SLC9A8: variants seen among roughly 807,000 people sequenced by gnomAD.
SLC9A8 encodes the protein solute carrier family 9 member A8, also known as sodium/hydrogen exchanger 8.
SLC9A8 carries 48 observed loss-of-function variants against 66.6 expected under a neutral mutation model. That is an observed-to-expected ratio of 0.72 (90% CI 0.57 to 0.92). The LOEUF (loss-of-function observed/expected upper bound fraction) is 0.92. SLC9A8 is among the 40% of genes least tolerant of loss of function. SLC9A8 has a pLI of 0.00. For synonymous variants in SLC9A8, 274 were observed against 282.6 expected (o/e 0.97, Z 0.31); for missense variants, 599 against 747.3 (o/e 0.80, Z 2.31).
At chr20:49,849,529 A>T (rs1220166372) in intron 5 of SLC9A8, 50 bp from the exon 6 acceptor site, 47 of 1,454,186 alleles carry the variant, frequency 3.2e-5, no homozygotes, top group Non-Finnish European at 4.2e-5. Flanking sequence ...GCCTTCACTG[A>T]CAGGAATGGC....
At chr20:49,825,930 A>C (rs1221859667) in intron 3 of SLC9A8, among the ~76,000 whole-genome samples, 1 of 152,110 alleles carries the variant, frequency 6.6e-6, no homozygotes, top group Non-Finnish European at 1.5e-5. Context: ...CTGGCACCAA[A>C]AGTTGCAGGA....
intron 3 of SLC9A8, among the ~76,000 whole-genome samples, chr20:49,828,073 A>T (rs201569828): frequency 0.028 from 2,311 of 81,434 alleles, 27 homozygotes; most frequent in African/African-American, 0.033. Context: ...CCAAAAAAAA[A>T]TTTTTTTTTT....
At chr20:49,872,666 T>G (rs2089259514) in intron 10 of SLC9A8, among the ~76,000 whole-genome samples, 1 of 152,130 alleles carries the variant, frequency 6.6e-6, no homozygotes, top group Non-Finnish European at 1.5e-5. Flanking sequence ...TTTGTATTTT[T>G]AGTAGAGACG....
chr20:49,838,116 G>T (rs1389698178), intron 3 of SLC9A8, among the ~76,000 whole-genome samples: 2 of 152,126 alleles, frequency 1.3e-5, no homozygotes, highest in Non-Finnish European at 2.9e-5. Context: ...TATGTAAGAG[G>T]ATAGAGAAGG....
rs1439209984 is a variant in SLC9A8 at position 49,883,965 on chromosome 20, G to C, written c.1390G>C (p.Gly464Arg). ...VIVLFTILLL[G>R]GSTMPLIRLM... is the part of the protein sequence containing the mutation. ...CGTGCTCTTCACCATCCTGCTGCTGGGCGGCAGCACCATGCCCCTCATTCG... is the reference window on the plus strand; with the variant it reads ...CGTGCTCTTCACCATCCTGCTGCTGCGCGGCAGCACCATGCCCCTCATTCG... The change falls in exon 14 of 16, where the codon GGC (glycine) becomes CGC (arginine). Residue 464 changes from glycine (G) to arginine (R), a missense_variant. Physicochemically the swap from Gly to Arg is moderately radical, Grantham distance 125. Around this residue, in one of 2 missense-constraint regions of SLC9A8, gnomAD observed 467 missense variants for 626.5 expected, o/e 0.75. Transcript: ENST00000361573. 10 of 1,613,130 alleles carry C rather than the reference G, an allele frequency of 6.2e-6. No individual in the cohort carries two copies. The highest frequency in any genetic ancestry group is 8.5e-6 in the Non-Finnish European group (10 of 1,179,964).
At chr20:49,878,130 G>T (rs753405847) in intron 12 of SLC9A8, 67 bp downstream of exon 12, 7 of 970,858 alleles carry the variant, frequency 7.2e-6, no homozygotes, top group Non-Finnish European at 1.1e-5. Flanking sequence ...ACATGTTCCG[G>T]ATTCATTTAT....
At chr20:49,823,736 G>A (rs2086823506) in intron 3 of SLC9A8, among the ~76,000 whole-genome samples, 1 of 152,208 alleles carries the variant, frequency 6.6e-6, no homozygotes, top group South Asian at 2.1e-4. Flanking sequence ...GGTTAGTGAA[G>A]GAAGAAGTGG....
intron 10 of SLC9A8, among the ~76,000 whole-genome samples, chr20:49,867,550 C>T (rs147008977): frequency 6.6e-6 from 1 of 152,284 alleles, no homozygotes; most frequent in Non-Finnish European, 1.5e-5. Flanking sequence ...CAGTATCAGT[C>T]AAAGACTCAA....
At chr20:49,844,657 C>T (rs1017178236) in intron 4 of SLC9A8, among the ~76,000 whole-genome samples, 2 of 147,174 alleles carry the variant, frequency 1.4e-5, no homozygotes, top group African/African-American at 5.0e-5. Context: ...AAAATTAGCC[C>T]GGCATGGTAG....
chr20:49,816,949 C>G (rs1008808887), intron 2 of SLC9A8, among the ~76,000 whole-genome samples: 1 of 151,862 alleles, frequency 6.6e-6, no homozygotes, highest in Admixed American at 6.6e-5. Context: ...AGGATGGTCT[C>G]AATCTCCTGA....
chr20:49,850,636 T>C (rs1024199806), intron 6 of SLC9A8, 174 bp from the exon 7 acceptor site: 18 of 637,584 alleles, frequency 2.8e-5, no homozygotes, highest in Non-Finnish European at 4.7e-5. Flanking sequence ...TGCATGCCGA[T>C]GGAATGCATG....
At position 49,881,031 on chromosome 20, in the gene SLC9A8, T is replaced by C. The variant is rs2089608842; in HGVS notation, c.1266T>C (p.Phe422=). 6.2e-7 allele frequency: 1 copy of C among 1,604,414 alleles called. No individual in the cohort carries two copies. The highest frequency in any genetic ancestry group is 8.5e-7 in the Non-Finnish European group (1 of 1,171,158). Reference sequence around the variant, plus strand: ...CGAAGATGATGTTCATCATGTGGTTTAGTGGTAAGTCAAATCTTGGATAAA... The same window carrying C: ...CGAAGATGATGTTCATCATGTGGTTCAGTGGTAAGTCAAATCTTGGATAAA... ...ITPKMMFIMW[F]SGLRGAIPYA... The change falls in exon 13 of 16, where the codon TTT becomes TTC. Residue 422 remains phenylalanine (F), a synonymous_variant. Transcript: ENST00000361573.
chr20:49,862,644 C>T (rs932287968), intron 8 of SLC9A8, among the ~76,000 whole-genome samples: 1 of 152,188 alleles, frequency 6.6e-6, no homozygotes, highest in Admixed American at 6.5e-5. Flanking sequence ...CTACAGCCCT[C>T]TACCCCTCCC....
chr20:49,873,269 G>A (rs1047878507), intron 10 of SLC9A8, among the ~76,000 whole-genome samples: 6 of 152,012 alleles, frequency 3.9e-5, no homozygotes, highest in African/African-American at 1.2e-4. Flanking sequence ...GATTGCTTGA[G>A]CTCAGGGGTT....
intron 3 of SLC9A8, among the ~76,000 whole-genome samples, chr20:49,826,456 T>G (rs1179296861): frequency 1.3e-5 from 2 of 152,218 alleles, no homozygotes; most frequent in Non-Finnish European, 2.9e-5. Context: ...GCTTTGTAGC[T>G]TGCAGTCATT....
At chr20:49,854,268 G>T (rs1454941685) in intron 7 of SLC9A8, among the ~76,000 whole-genome samples, 1 of 152,084 alleles carries the variant, frequency 6.6e-6, no homozygotes, top group Non-Finnish European at 1.5e-5. Context: ...TGAGGGAGCT[G>T]GTCCTGCCTC....
chr20:49,823,121 G>C lies in SLC9A8; in HGVS notation c.269G>C (p.Ser90Thr), dbSNP rs1410635279. The C allele has an allele frequency of 6.2e-7, 1 of 1,612,308 alleles. No individual in the cohort carries two copies. Residue 90 changes from serine (S) to threonine (T), a missense_variant, in exon 3 of 16, where the codon AGT (serine) becomes ACT (threonine). This residue lies in a region of SLC9A8 where 132 missense variants were observed against 120.9 expected (regional missense o/e 1.09). Transcript: ENST00000361573. The part of the protein sequence containing the change: ...IRYRLHFLPE[S>T]VAVVSLGILM... ...TACAGATTACATTTCTTGCCAGAGAGTGTTGCTGTTGTTTCTTTAGGTAAG... is the reference window on the plus strand; with the variant it reads ...TACAGATTACATTTCTTGCCAGAGACTGTTGCTGTTGTTTCTTTAGGTAAG...
chr20:49,820,813 G>A (rs1167901197), intron 2 of SLC9A8, among the ~76,000 whole-genome samples: 1 of 152,080 alleles, frequency 6.6e-6, no homozygotes, highest in African/African-American at 2.4e-5. Context: ...CCAAAGTGCT[G>A]GGATTCCAGG....
At chr20:49,825,158 A>C (rs1692231100) in intron 3 of SLC9A8, among the ~76,000 whole-genome samples, 1 of 152,112 alleles carries the variant, frequency 6.6e-6, no homozygotes, top group African/African-American at 2.4e-5. Context: ...GAAACTTCCT[A>C]TCTTAGTGCT....
Sources: allele counts gnomAD v4.1 joint callset (sites outside exome capture counted in the v4.1 genomes callset), GRCh38; gene constraint gnomAD v4.1.1; regional missense constraint gnomAD v4.1.1; transcripts MANE v1.5; gene names NCBI Gene and HGNC (gene_info 2026-07-23, HGNC 2026-07-21).